Variants in F7 observed in about 807,000 individuals in gnomAD.
F7 encodes the protein coagulation factor VII.
Under a neutral mutation model 47.5 loss-of-function variants are expected in F7, and 38 were observed. The ratio of observed to expected loss-of-function variants is 0.80; its 90% CI spans 0.62 to 1.05. The LOEUF (loss-of-function observed/expected upper bound fraction) is 1.05. Among genes scored for constraint, F7 ranks in the 50% least tolerant of loss-of-function variants. The probability of loss-of-function intolerance (pLI) is 0.00; values close to 1 mark genes in which losing one functional copy is unlikely to be tolerated. For synonymous variants in F7, 244 were observed against 258.5 expected, an observed-to-expected ratio of 0.94 and a Z score of 0.54; for missense variants, 575 against 605.4, an observed-to-expected ratio of 0.95 and a Z score of 0.53.
intron 5 of F7, 66 bp downstream of exon 5, chr13:113,115,866 T>C: frequency 6.2e-7 from 1 of 1,606,566 alleles, no homozygotes; most frequent in Non-Finnish European, 8.5e-7. Flanking sequence ...ATTATCTTAC[T>C]GGACAAAAGA....
intron 1 of F7, chr13:113,106,998 G>A (rs949258970): frequency 1.5e-5 from 21 of 1,446,106 alleles, no homozygotes; most frequent in South Asian, 7.3e-5. Context: ...GAGCCAGCCC[G>A]CGGGGTGGCT....
Position 113,105,881 on chromosome 13 carries a change from G to T in F7, c.40G>T (p.Gly14Trp). 1 of 1,590,124 alleles carries T rather than the reference G, an allele frequency of 6.3e-7. No homozygotes were observed. Among genetic ancestry groups the T allele is most frequent in the Non-Finnish European group, 8.6e-7 (1 of 1,168,808 alleles). The stretch of plus-strand genomic sequence containing the variant: ...CCTCAGGCTCCTCTGCCTTCTGCTT[G>T]GGCTTCAGGGCTGCCTGGCTGCAGG... ...QALRLLCLLL[G>W]LQGCLAAVFV... is the part of the protein sequence containing the mutation. Residue 14 changes from glycine to tryptophan, a missense_variant, in exon 1 of 8, where the codon GGG (glycine) becomes TGG (tryptophan). Coordinates refer to ENST00000346342, the MANE Select transcript of F7 (RefSeq NM_019616.4).
chr13:113,115,946 C>A, intron 5 of F7, 146 bp downstream of exon 5: 2 of 1,269,064 alleles, frequency 1.6e-6, no homozygotes, highest in Non-Finnish European at 1.1e-6. Flanking sequence ...GGGATCTGGG[C>A]ACCAAGGGTG....
intron 2 of F7, among the ~76,000 whole-genome samples, chr13:113,111,695 ACACT>A (rs1322645248): frequency 1.7e-5 from 1 of 60,550 alleles, no homozygotes; most frequent in Non-Finnish European, 3.3e-5. Flanking sequence ...GGCACACTTC[ACACT>A]CACAGGTCAC....
At chr13:113,118,030 A>G (rs1262937798) in intron 7 of F7, among the ~76,000 whole-genome samples, 2 of 152,160 alleles carry the variant, frequency 1.3e-5, no homozygotes, top group African/African-American at 2.4e-5. Context: ...TGCGACACCC[A>G]GGGCCTCATG....
intron 1 of F7, chr13:113,110,258 G>A (rs1239819553): frequency 5.7e-6 from 1 of 176,572 alleles, no homozygotes; most frequent in African/African-American, 2.4e-5. Flanking sequence ...GACGCGGTGC[G>A]GGTGGAGACG....
rs2036281829 is a variant in F7, at chr13:113,120,327, G to A, written c.*1319G>A. The A allele has an allele frequency of 6.6e-6, 1 of 152,328 alleles. No homozygotes were observed. Among genetic ancestry groups the A allele is most frequent in the Non-Finnish European group, 1.5e-5 (1 of 68,114 alleles). 9.4% of individuals were successfully genotyped at this position (152,328 alleles called of 1,614,324 possible). On this transcript the variant is annotated 3_prime_UTR_variant, in exon 8 of 8. Coordinates refer to ENST00000346342, the MANE Select transcript of F7 (RefSeq NM_019616.4). ...CAAGTTCCCAGGCCCTGGCTGCAGT[G>A]GGAGGACCTGGCAAGCTGCACTCTT...
Position 113,105,871 on chromosome 13 carries a change from C to T in F7, c.30C>T (p.Cys10=). The T allele has an allele frequency of 1.3e-6, 2 of 1,591,642 alleles. No homozygotes were observed. Among genetic ancestry groups the T allele is most frequent in the Non-Finnish European group, 1.7e-6 (2 of 1,169,734 alleles). ...TCTCCCAGGCCCTCAGGCTCCTCTG[C>T]CTTCTGCTTGGGCTTCAGGGCTGCC... MVSQALRLL[C]LLLGLQGCLA... is the part of the protein sequence containing the mutation. The change falls in exon 1 of 8, where the codon TGC becomes TGT. Residue 10 remains cysteine (C), a synonymous_variant. Transcript: ENST00000346342.
At chr13:113,116,719 T>C in intron 5 of F7, 47 bp from the exon 6 acceptor site, 1 of 1,404,056 alleles carries the variant, frequency 7.1e-7, no homozygotes, top group Non-Finnish European at 1.0e-6. Flanking sequence ...AGTGGCACGT[T>C]CATCCCTCAC....
In F7 at chr13:113,113,555, T is replaced by C. The variant is rs1238012855; in HGVS notation, c.226-197T>C. Among the ~76,000 whole-genome samples the C allele has an allele frequency of 1.3e-5, 2 of 152,132 alleles. No homozygotes were observed. The highest frequency in any genetic ancestry group is 2.9e-5 in the Non-Finnish European group (2 of 68,032). On this transcript the variant is annotated intron_variant, in intron 2 of 7. Coordinates refer to ENST00000346342, the MANE Select transcript of F7 (RefSeq NM_019616.4). This position sits in a 1 kb window ranked among gnomAD's most constrained non-coding sequence, Gnocchi z 4.1. ...GGAGCAGGAAATGTGTGGTCACCCA[T>C]AGTTCCAGATGTCCTGGGGAGGGGC...
In F7 at chr13:113,119,968, C is replaced by G. The variant is rs925233643; in HGVS notation, c.*960C>G. On this transcript the variant is annotated 3_prime_UTR_variant, in exon 8 of 8. Transcript: ENST00000346342. Reference sequence around the variant, plus strand: ...GCCGGGCTGCACAGACTATTCCCCACCTGCTTCCCAGCTTCACAATAAACG... The same window carrying G: ...GCCGGGCTGCACAGACTATTCCCCAGCTGCTTCCCAGCTTCACAATAAACG... The G allele has an allele frequency of 1.3e-5, 2 of 152,264 alleles. No homozygotes were observed. The highest frequency in any genetic ancestry group is 2.9e-5 in the Non-Finnish European group (2 of 68,070). The allele number at this position is 152,264 out of a possible 1,614,324, so 9.4% of individuals were successfully genotyped here. A position where few individuals can be genotyped will look rare whatever the true frequency, so the allele number is the denominator to read the frequency against.
Position 113,113,824 on chromosome 13 carries a change from A to G in F7, c.251-23A>G, listed in dbSNP as rs1042516833. The stretch of plus-strand genomic sequence containing the variant: ...TCCTGCCTGCAACCCTTCTCAGCTT[A>G]CTGACACCAGCCCACTCCACAGATG... On this transcript the variant is annotated intron_variant, in intron 3 of 7. Coordinates refer to ENST00000346342, the MANE Select transcript of F7 (RefSeq NM_019616.4). This position sits in a 1 kb window ranked among gnomAD's most constrained non-coding sequence, Gnocchi z 4.1. The G allele has an allele frequency of 1.9e-6, 3 of 1,614,070 alleles. No homozygotes were observed. The highest frequency in any genetic ancestry group is 8.5e-7 in the Non-Finnish European group (1 of 1,180,042).
At position 113,106,022 on chromosome 13, in the gene F7, G is replaced by A. The variant is rs191030776; in HGVS notation, c.64+117G>A. 2.9e-3 allele frequency: 2,490 copies of A among 858,968 alleles called. 4 individuals are homozygous for A. The highest frequency in any genetic ancestry group is 3.6e-3 in the Non-Finnish European group (2,087 of 573,090). The allele number at this position is 858,968 out of a possible 1,614,324, so 53.2% of individuals were successfully genotyped here. A position where few individuals can be genotyped will look rare whatever the true frequency, so the allele number is the denominator to read the frequency against. Reference sequence around the variant, plus strand: ...TCCGGACACCCCCATCCACCAGGAGGGTTTTCTGGCGGCTCCTGTTCAATT... The same window carrying A: ...TCCGGACACCCCCATCCACCAGGAGAGTTTTCTGGCGGCTCCTGTTCAATT... On this transcript the variant is annotated intron_variant, in intron 1 of 7. Coordinates refer to ENST00000346342, the MANE Select transcript of F7 (RefSeq NM_019616.4).
chr13:113,118,824 G>A lies in F7; in HGVS notation c.1151G>A (p.Gly384Asp), dbSNP rs756895063. 3.1e-6 allele frequency: 5 copies of A among 1,612,946 alleles called. No homozygotes were observed. In the Admixed American group the frequency reaches 8.3e-5, roughly 27 times the overall value. Residue 384 changes from glycine to aspartate, a missense_variant, in exon 8 of 8, where the codon GGC (glycine) becomes GAC (aspartate). Coordinates refer to ENST00000346342, the MANE Select transcript of F7 (RefSeq NM_019616.4). ...SKDSCKGDSGGPHATHYRGTW... is the reference protein window; with the variant it reads ...SKDSCKGDSGDPHATHYRGTW... ...GACTCCTGCAAGGGGGACAGTGGAGGCCCACATGCCACCCACTACCGGGGC... is the reference window on the plus strand; with the variant it reads ...GACTCCTGCAAGGGGGACAGTGGAGACCCACATGCCACCCACTACCGGGGC...
chr13:113,118,766 A>G lies in F7; in HGVS notation c.1093A>G (p.Met365Val), dbSNP rs1215224419. ...VGDSPNITEY[M>V]FCAGYSDGSK... ...AGACTCCCCAAATATCACGGAGTAC[A>G]TGTTCTGTGCCGGCTACTCGGATGG... Residue 365 changes from methionine to valine, a missense_variant, in exon 8 of 8, where the codon ATG becomes GTG. Transcript: ENST00000346342. 3 of 1,613,004 alleles carry G rather than the reference A, an allele frequency of 1.9e-6. No individual in the cohort carries two copies. Among genetic ancestry groups the G allele is most frequent in the Non-Finnish European group, 2.5e-6 (3 of 1,179,966 alleles).
intron 1 of F7, among the ~76,000 whole-genome samples, chr13:113,110,013 G>A (rs1028501366): frequency 1.3e-5 from 2 of 152,212 alleles, no homozygotes; most frequent in African/African-American, 4.8e-5. Context: ...GGGGCCAGGA[G>A]CTGCGGCGGG....
intron 4 of F7, among the ~76,000 whole-genome samples, chr13:113,114,255 C>A (rs1380533387): frequency 6.6e-6 from 1 of 152,196 alleles, no homozygotes; most frequent in Non-Finnish European, 1.5e-5. Flanking sequence ...CCCTGTCCCA[C>A]TTCCACATCC....
At chr13:113,112,924 TCA>T (rs2036130943) in intron 2 of F7, among the ~76,000 whole-genome samples, 1 of 148,362 alleles carries the variant, frequency 6.7e-6, no homozygotes, top group Non-Finnish European at 1.5e-5. Flanking sequence ...CACCTCATAC[TCA>T]CAGATCACTT....
In F7 at chr13:113,115,689, G is replaced by A. The variant is rs146795869; in HGVS notation, c.394G>A (p.Glu132Lys). The A allele has an allele frequency of 9.9e-6, 16 of 1,613,022 alleles. No individual in the cohort carries two copies. Among genetic ancestry groups the A allele is most frequent in the African/African-American group, 2.7e-5 (2 of 75,038 alleles). The change falls in exon 5 of 8, where the codon GAG becomes AAG. Residue 132 changes from glutamate (E) to lysine (K), a missense_variant. Coordinates refer to ENST00000346342, the MANE Select transcript of F7 (RefSeq NM_019616.4). ...HKDDQLICVN[E>K]NGGCEQYCSD... ...GGATGACCAGCTGATCTGTGTGAAC[G>A]AGAACGGCGGCTGTGAGCAGTACTG... is the stretch of plus-strand genomic sequence containing the variant.
Sources: gnomAD v4.1 joint callset for allele counts (sites outside exome capture counted in the v4.1 genomes callset) on GRCh38, gnomAD v4.1.1 for gene constraint, Gnocchi (gnomAD v3.1) non-coding constraint, MANE v1.5 for transcripts, NCBI Gene and HGNC (gene_info 2026-07-23, HGNC 2026-07-21) for gene names.